Variants in NLRP4 observed in about 807,000 individuals in gnomAD.
NLRP4 encodes the protein NACHT, LRR and PYD domains-containing protein 4.
A neutral mutation model predicts 84.7 loss-of-function variants in NLRP4; 44 were observed. That is an observed-to-expected ratio of 0.52 (90% confidence interval 0.41 to 0.67). NLRP4 has a LOEUF of 0.67. Ranked by LOEUF, NLRP4 falls within the 30% of genes least tolerant of loss-of-function variation. The pLI, the probability that NLRP4 is intolerant of heterozygous loss-of-function variation, is 0.00. For missense variants in NLRP4, 1,260 were observed against 1,219.4 expected, an observed-to-expected ratio of 1.03 and a Z score of -0.50; for synonymous variants, 544 against 476.4, an observed-to-expected ratio of 1.14 and a Z score of -1.85.
rs747301515 is a variant in NLRP4, at chr19:55,861,561, C to G, written c.2018+14C>G. ...TCAGAAGCTTGGGTGAGTTGAGAATCGACTTCGACTCGAGTATGTCACGGA... is the reference window on the plus strand; with the variant it reads ...TCAGAAGCTTGGGTGAGTTGAGAATGGACTTCGACTCGAGTATGTCACGGA... On this transcript the variant is annotated intron_variant, in intron 4 of 9. Transcript: ENST00000301295. 4 of 1,611,188 alleles carry G rather than the reference C, an allele frequency of 2.5e-6. No individual in the cohort carries two copies. Among genetic ancestry groups the G allele is most frequent in the South Asian group, 1.1e-5 (1 of 90,802 alleles).
At position 55,853,889 on chromosome 19, in the gene NLRP4, TTCTC is replaced by T. The variant is rs145906779; in HGVS notation, c.280+1543_280+1546del. 2.1e-3 allele frequency among the ~76,000 whole-genome samples: 278 copies of T among 132,258 alleles called. 5 individuals carry two copies. The highest frequency in any genetic ancestry group is 3.0e-3 in the Non-Finnish European group (196 of 65,168). The allele number at this position is 132,258 out of a possible 152,430, so 86.8% of individuals were successfully genotyped here. Reference sequence around the variant, plus strand: ...TCTCTCTTTCTCTCTTGCTATCTCTTTCTCTCTCTCTCTCTCTTTCTCTTTCTTT... The same window carrying T: ...TCTCTCTTTCTCTCTTGCTATCTCTTTCTCTCTCTCTCTTTCTCTTTCTTT... On this transcript the variant is annotated intron_variant, in intron 2 of 9. Transcript: ENST00000301295.
At position 55,850,083 on chromosome 19, in the gene NLRP4, T is replaced by G. The variant is rs114196944; in HGVS notation, c.-65-1933T>G. 5.0e-3 allele frequency among the ~76,000 whole-genome samples: 535 copies of G among 106,374 alleles called. 14 individuals are homozygous for G. The highest frequency in any genetic ancestry group is 6.1e-3 in the Non-Finnish European group (312 of 51,152). The allele number at this position is 106,374 out of a possible 152,430, so 69.8% of individuals were successfully genotyped here. ...CGGTGGAATTTCCGAGACTGCGGTG[T>G]AATTTCCGTGGCTGCGGTGTAATTA... On this transcript the variant is annotated intron_variant, in intron 1 of 9. Transcript: ENST00000301295.
intron 7 of NLRP4, among the ~76,000 whole-genome samples, chr19:55,874,787 T>C (rs1985310980): frequency 6.6e-6 from 1 of 152,120 alleles, no homozygotes; most frequent in Non-Finnish European, 1.5e-5. Flanking sequence ...AAGAATTTTA[T>C]TGGTTGTAAT....
intron 2 of NLRP4, among the ~76,000 whole-genome samples, chr19:55,853,224 C>T (rs1178143214): frequency 1.3e-5 from 2 of 152,184 alleles, no homozygotes; most frequent in African/African-American, 4.8e-5. Flanking sequence ...TGTTGTTGTT[C>T]AGTGTCTTAC....
At chr19:55,879,499 CTT>C (rs1491098918) in intron 9 of NLRP4, among the ~76,000 whole-genome samples, 1 of 150,452 alleles carries the variant, frequency 6.6e-6, no homozygotes, top group Non-Finnish European at 1.5e-5. Flanking sequence ...CCACCCCAGT[CTT>C]TTATTAAGCA....
At chr19:55,872,984 G>A (rs1985244063) in intron 7 of NLRP4, among the ~76,000 whole-genome samples, 1 of 152,162 alleles carries the variant, frequency 6.6e-6, no homozygotes, top group African/African-American at 2.4e-5. Flanking sequence ...GGAAACCAGA[G>A]GGCAGTACAG....
At chr19:55,850,211 G>T (rs965935391) in intron 1 of NLRP4, among the ~76,000 whole-genome samples, 9 of 142,300 alleles carry the variant, frequency 6.3e-5, no homozygotes, top group African/African-American at 5.8e-5. Flanking sequence ...TGTAATTTCC[G>T]TGGCTGCGGT....
chr19:55,859,879 A>G (rs1297152171), intron 3 of NLRP4, among the ~76,000 whole-genome samples: 1 of 124,664 alleles, frequency 8.0e-6, no homozygotes, highest in Non-Finnish European at 1.6e-5. Context: ...GTGAGCTGAG[A>G]TCGCACCACT....
intron 3 of NLRP4, among the ~76,000 whole-genome samples, chr19:55,859,795 C>T (rs573410559): frequency 2.7e-4 from 41 of 151,504 alleles, no homozygotes; most frequent in East Asian, 2.6e-3. Flanking sequence ...GGGTGTGTAG[C>T]GCACACCTGT....
chr19:55,848,682 G>A (rs551421988), intron 1 of NLRP4, among the ~76,000 whole-genome samples: 65 of 152,240 alleles, frequency 4.3e-4, no homozygotes, highest in Middle Eastern at 3.4e-3. Context: ...GATTACAGGC[G>A]TGAGCCACCA....
At chr19:55,850,227 TTCCGTGGCTGCGGTG>T (rs1984023679) in intron 1 of NLRP4, among the ~76,000 whole-genome samples, 1 of 133,138 alleles carries the variant, frequency 7.5e-6, no homozygotes, top group Admixed American at 7.4e-5. Context: ...GCGGTGTAAT[TTCCGTGGCTGCGGTG>T]TAATTTCCGA....
chr19:55,881,068 C>T (rs939706003), intron 9 of NLRP4, among the ~76,000 whole-genome samples: 8 of 151,858 alleles, frequency 5.3e-5, no homozygotes, highest in African/African-American at 1.9e-4. Context: ...CCTTCTATTA[C>T]CAATTCTGGA....
chr19:55,850,299 G>T (rs1392993469), intron 1 of NLRP4, among the ~76,000 whole-genome samples: 10 of 100,770 alleles, frequency 9.9e-5, no homozygotes, highest in Non-Finnish European at 1.4e-4. Context: ...CCGTGGCTGC[G>T]GTGTAATGTC....
intron 2 of NLRP4, among the ~76,000 whole-genome samples, chr19:55,855,903 A>G (rs954383457): frequency 1.3e-5 from 2 of 152,244 alleles, no homozygotes; most frequent in Non-Finnish European, 2.9e-5. Context: ...GCTCACTGTT[A>G]GAACTGTGGC....
intron 2 of NLRP4, among the ~76,000 whole-genome samples, chr19:55,852,805 T>C (rs1453409302): frequency 6.6e-6 from 1 of 151,830 alleles, no homozygotes. Flanking sequence ...AGGCAGGAAA[T>C]GGTCTCTTAG....
Position 55,852,286 on chromosome 19 carries a change from G to A in NLRP4, c.206G>A (p.Trp69Ter). The A allele has an allele frequency of 1.9e-6, 3 of 1,604,892 alleles. No individual in the cohort carries two copies. Among genetic ancestry groups the A allele is most frequent in the Non-Finnish European group, 8.5e-7 (1 of 1,176,944 alleles). ...AAGCACTATGAAGAACAACAAGCTT[G>A]GAACATAACCTTAAGAATCTTTCAA... Reference protein sequence around the residue: ...LIKHYEEQQAWNITLRIFQKM... With the variant: ...LIKHYEEQQA The change falls in exon 2 of 10, where the codon TGG (tryptophan) becomes TAG (stop). Residue 69 changes from tryptophan (W) to a stop codon, truncating the protein, a stop_gained. Transcript: ENST00000301295. LOFTEE classifies it high-confidence loss of function.
At chr19:55,851,593 A>AGGCTGCGGTGTAATTTCCGT (rs1568659980) in intron 1 of NLRP4, among the ~76,000 whole-genome samples, 2 of 80,208 alleles carry the variant, frequency 2.5e-5, no homozygotes, top group African/African-American at 5.3e-5. Flanking sequence ...GTAATGTCCG[A>AGGCTGCGGTGTAATTTCCGT]GGCTGCGGTG....
At chr19:55,880,995 G>A (rs1303982990) in intron 9 of NLRP4, among the ~76,000 whole-genome samples, 1 of 152,224 alleles carries the variant, frequency 6.6e-6, no homozygotes, top group African/African-American at 2.4e-5. Context: ...AATAGCTTCA[G>A]TCTTTCTCCC....
At chr19:55,867,994 G>A (rs963274480) in intron 6 of NLRP4, 118 bp downstream of exon 6, 13 of 879,236 alleles carry the variant, frequency 1.5e-5, no homozygotes, top group African/African-American at 1.0e-4. Context: ...AAAAGCTCAC[G>A]CTTAAGAATC....
Sources: gnomAD v4.1 joint callset for allele counts (sites outside exome capture counted in the v4.1 genomes callset) on GRCh38, gnomAD v4.1.1 for gene constraint, MANE v1.5 for transcripts, NCBI Gene and HGNC (gene_info 2026-07-23, HGNC 2026-07-21) for gene names.